VRK3: variants seen among roughly 807,000 people sequenced by gnomAD.
The protein encoded by VRK3 is serine/threonine-protein kinase VRK3.
Under a neutral mutation model 60.4 loss-of-function variants are expected in VRK3, and 50 were observed. The observed-to-expected ratio is 0.83, with a 90% confidence interval of 0.66 to 1.05. The LOEUF is 1.05. VRK3 is among the 50% of genes least tolerant of loss of function. The pLI, the probability that VRK3 is intolerant of heterozygous loss-of-function variation, is 0.00. For synonymous variants in VRK3, 246 were observed against 227.8 expected (o/e 1.08, Z -0.72); for missense variants, 549 against 585.3 (o/e 0.94, Z 0.64).
intron 1 of VRK3, among the ~76,000 whole-genome samples, chr19:50,023,809 C>T (rs1237106272): frequency 6.6e-6 from 1 of 152,054 alleles, no homozygotes; most frequent in Non-Finnish European, 1.5e-5. Flanking sequence ...GCCAGAGACT[C>T]AAAGCTCAGG....
At chr19:49,987,997 C>T (rs906682790) in intron 12 of VRK3, 31 of 166,862 alleles carry the variant, frequency 1.9e-4, no homozygotes, top group Admixed American at 2.9e-4. Flanking sequence ...CCACCGCGCC[C>T]GGCCACAATG....
chr19:49,979,115 A>G lies in VRK3; in HGVS notation c.1404T>C (p.Ile468=), dbSNP rs146290895. The G allele has an allele frequency of 1.2e-5, 20 of 1,612,472 alleles. No individual in the cohort carries two copies. Among genetic ancestry groups the G allele is most frequent in the Middle Eastern group, 3.3e-4 (2 of 6,046 alleles). The change falls in exon 14 of 15, where the codon ATT becomes ATC. Residue 468 remains isoleucine, a synonymous_variant. Transcript: ENST00000316763. ...CCACCTAGGGCACCATCGGGAGGCC[A>G]ATGGGGTCATATGGAGACACACGCA... The part of the protein sequence containing the change: ...QDLRVSPYDP[I]GLPMVP
intron 12 of VRK3, among the ~76,000 whole-genome samples, chr19:49,984,632 C>T (rs1035591345): frequency 2.0e-5 from 3 of 152,146 alleles, no homozygotes; most frequent in Admixed American, 6.5e-5. Flanking sequence ...TACGATTTTT[C>T]TTTCCTTTTT....
chr19:50,006,047 A>C (rs1211812850), intron 5 of VRK3, among the ~76,000 whole-genome samples: 1 of 149,172 alleles, frequency 6.7e-6, no homozygotes, highest in African/African-American at 2.6e-5. Context: ...GCACTTTGGG[A>C]GGCTGAGGTA....
intron 12 of VRK3, chr19:49,981,590 T>C (rs1017572508): frequency 1.6e-6 from 1 of 612,208 alleles, no homozygotes; most frequent in African/African-American, 2.0e-5. Context: ...TATGTATGTT[T>C]CTGTTGAAAT....
intron 4 of VRK3, among the ~76,000 whole-genome samples, chr19:50,008,155 C>T (rs774659598): frequency 6.6e-6 from 1 of 152,148 alleles, no homozygotes; most frequent in Non-Finnish European, 1.5e-5. Context: ...TCAGGGTAGG[C>T]TTCCTGGAGG....
At chr19:49,995,568 G>C (rs2076687418) in intron 7 of VRK3, among the ~76,000 whole-genome samples, 1 of 152,006 alleles carries the variant, frequency 6.6e-6, no homozygotes, top group Non-Finnish European at 1.5e-5. Flanking sequence ...GGTTACTTCC[G>C]AATTCACACA....
chr19:49,981,209 C>G, intron 12 of VRK3, 196 bp from the exon 13 acceptor site: 2 of 614,558 alleles, frequency 3.3e-6, no homozygotes, highest in Non-Finnish European at 5.8e-6. Flanking sequence ...GGAAACAGCA[C>G]TGCTTCCTGC....
At chr19:50,000,115 G>T (rs932572370) in intron 6 of VRK3, 4 of 152,294 alleles carry the variant, frequency 2.6e-5, no homozygotes, top group African/African-American at 9.7e-5. Context: ...TCTGGGGTGT[G>T]AGACAATTCT....
chr19:50,021,074 G>T (rs944571125), intron 1 of VRK3, among the ~76,000 whole-genome samples: 1 of 152,216 alleles, frequency 6.6e-6, no homozygotes, highest in Non-Finnish European at 1.5e-5. Flanking sequence ...GGAAACCAGG[G>T]AGCGAGCTGT....
chr19:49,994,732 T>G (rs2076671215), intron 9 of VRK3, 82 bp downstream of exon 9: 1 of 1,262,934 alleles, frequency 7.9e-7, no homozygotes, highest in African/African-American at 1.5e-5. Context: ...GGGCCGGAAG[T>G]GTCAATGACT....
intron 7 of VRK3, among the ~76,000 whole-genome samples, chr19:49,995,622 C>T (rs1446975474): frequency 6.6e-6 from 1 of 152,062 alleles, no homozygotes; most frequent in African/African-American, 2.4e-5. Flanking sequence ...GCCATGGCAT[C>T]ACCGGAATGT....
intron 2 of VRK3, among the ~76,000 whole-genome samples, chr19:50,018,178 A>C (rs937692857): frequency 6.6e-6 from 1 of 152,186 alleles, no homozygotes; most frequent in Non-Finnish European, 1.5e-5. Flanking sequence ...TATCTGATAG[A>C]ATGGTCGATG....
intron 9 of VRK3, 147 bp downstream of exon 9, chr19:49,994,667 C>T: frequency 1.4e-6 from 1 of 731,948 alleles, no homozygotes; most frequent in Non-Finnish European, 2.2e-6. Flanking sequence ...TCGGCTCTAA[C>T]CGCCTGCCAT....
intron 7 of VRK3, among the ~76,000 whole-genome samples, chr19:49,995,812 G>A (rs912409083): frequency 6.6e-6 from 1 of 152,118 alleles, no homozygotes; most frequent in African/African-American, 2.4e-5. Flanking sequence ...ACAATGGCGC[G>A]ATCTTGGCTC....
chr19:50,011,834 C>T (rs1234418406), intron 3 of VRK3, among the ~76,000 whole-genome samples: 2 of 149,758 alleles, frequency 1.3e-5, no homozygotes, highest in Admixed American at 6.6e-5. Context: ...AACTCCCTCC[C>T]GTGGTCCTGC....
chr19:50,016,225 T>C (rs1198195937), intron 2 of VRK3, 62 bp from the exon 3 acceptor site: 2 of 1,599,562 alleles, frequency 1.3e-6, no homozygotes, highest in Admixed American at 3.4e-5. Flanking sequence ...GTGGAAGTAT[T>C]GTTGAACTGC....
At chr19:50,011,619 G>C (rs1600712452) in intron 3 of VRK3, among the ~76,000 whole-genome samples, 1 of 151,616 alleles carries the variant, frequency 6.6e-6, no homozygotes, top group South Asian at 2.1e-4. Flanking sequence ...GGTCCTGCCT[G>C]TCTTCCCCCA....
intron 4 of VRK3, chr19:50,008,896 C>A: frequency 4.6e-6 from 1 of 215,194 alleles, no homozygotes; most frequent in Admixed American, 5.4e-5. Flanking sequence ...AAGGTTAATC[C>A]CCAAAAGTGT....
Sources: gnomAD v4.1 joint callset for allele counts (sites outside exome capture counted in the v4.1 genomes callset) on GRCh38, gnomAD v4.1.1 for gene constraint, MANE v1.5 for transcripts, NCBI Gene and HGNC (gene_info 2026-07-23, HGNC 2026-07-21) for gene names.